NUMB: variants seen among roughly 807,000 people sequenced by gnomAD.
The protein encoded by NUMB is NUMB endocytic adaptor protein, also known as protein numb homolog.
In NUMB, 29 loss-of-function variants were observed where a neutral mutation model predicts 59.7. That is an observed-to-expected ratio of 0.49 (90% CI 0.36 to 0.66). The LOEUF is 0.66. NUMB is among the 30% of genes least tolerant of loss of function. NUMB has a pLI of 0.00. For synonymous variants in NUMB, 288 were observed against 288.2 expected (o/e 1.00, Z 0.01); for missense variants, 723 against 822.0 (o/e 0.88, Z 1.47).
chr14:73,367,068 A>G (rs1894376176), intron 2 of NUMB, 87 bp from the exon 3 acceptor site: 1 of 151,876 alleles, frequency 6.6e-6, no homozygotes. Flanking sequence ...TCCAAACAAA[A>G]CACACACAAA....
chr14:73,353,620 G>GTAC (rs1172910924), intron 4 of NUMB, among the ~76,000 whole-genome samples: 37 of 148,772 alleles, frequency 2.5e-4, no homozygotes, highest in African/African-American at 4.2e-4. Flanking sequence ...GCTGAGGCAG[G>GTAC]AGAATCGTTT....
chr14:73,284,341 A>G lies in NUMB; in HGVS notation c.689T>C (p.Val230Ala), dbSNP rs1466436619. ...GGATGGGGCAGTGTTGCCAGGGGCA[A>G]CTGATGAACCAACGACTATCTTATC... ...ETDKIVVGSS[V>A]APGNTAPSPS... The change falls in exon 10 of 13, where the codon GTT becomes GCT. Residue 230 changes from valine to alanine, a missense_variant. Val to Ala is a moderately conservative substitution (Grantham distance 64, BLOSUM62 0). Transcript: ENST00000555238. 6.2e-7 allele frequency: 1 copy of G among 1,614,064 alleles called. No individual in the cohort carries two copies. The highest frequency in any genetic ancestry group is 1.7e-5 in the Admixed American group (1 of 60,014).
chr14:73,290,680 C>T (rs1889331251), intron 8 of NUMB, among the ~76,000 whole-genome samples: 1 of 152,204 alleles, frequency 6.6e-6, no homozygotes, highest in South Asian at 2.1e-4. Flanking sequence ...ACTTGCTGTA[C>T]ATACAGTTTG....
intron 4 of NUMB, among the ~76,000 whole-genome samples, chr14:73,342,653 T>C (rs1892696464): frequency 6.6e-6 from 1 of 152,138 alleles, no homozygotes; most frequent in Non-Finnish European, 1.5e-5. Flanking sequence ...AGATAAAACC[T>C]TCAGTATTCA....
intron 4 of NUMB, among the ~76,000 whole-genome samples, chr14:73,335,302 C>CAAAAAAAAAA (rs10556271): frequency 1.5e-4 from 15 of 100,224 alleles, no homozygotes; most frequent in East Asian, 2.9e-4. Context: ...GCCAAAAAGA[C>CAAAAAAAAAA]AAAAAAAAAA....
At chr14:73,291,983 C>G (rs532136165) in intron 8 of NUMB, among the ~76,000 whole-genome samples, 4 of 152,060 alleles carry the variant, frequency 2.6e-5, no homozygotes, top group African/African-American at 9.7e-5. Context: ...CGTGCCTGGC[C>G]GGTATTTCTG....
chr14:73,277,102 G>T lies in NUMB; in HGVS notation c.1432C>A (p.Pro478Thr). Reference protein sequence around the residue: ...QPPPPTAISQPASPFQGNAFL... With the variant: ...QPPPPTAISQTASPFQGNAFL... ...GCATTCCCTTGGAAAGGTGATGCTG[G>T]CTGGGAGATGGCAGTGGGTGGAGGA... is the stretch of plus-strand genomic sequence containing the variant. The change falls in exon 13 of 13, where the codon CCA (proline) becomes ACA (threonine). Residue 478 changes from proline (P) to threonine (T), a missense_variant. By Grantham distance (38) the Pro-to-Thr change is conservative. This residue lies in a region of NUMB where 406 missense variants were observed against 385.4 expected (regional missense o/e 1.05). Transcript: ENST00000555238. The T allele has an allele frequency of 1.2e-6, 2 of 1,614,124 alleles. No individual in the cohort carries two copies. The highest frequency in any genetic ancestry group is 1.7e-6 in the Non-Finnish European group (2 of 1,180,040).
chr14:73,425,890 C>T (rs1018216063), intron 1 of NUMB, among the ~76,000 whole-genome samples: 14 of 149,996 alleles, frequency 9.3e-5, no homozygotes, highest in African/African-American at 3.4e-4. Context: ...CTCACTGCAA[C>T]CTCCGCCTCC....
chr14:73,423,354 AC>A (rs1385797637), intron 1 of NUMB, among the ~76,000 whole-genome samples: 2 of 150,202 alleles, frequency 1.3e-5, no homozygotes, highest in East Asian at 1.9e-4. Flanking sequence ...AAAAAAAAAA[AC>A]AAGCTGGGCA....
At chr14:73,443,075 T>G (rs1454935920) in intron 1 of NUMB, among the ~76,000 whole-genome samples, 1 of 152,138 alleles carries the variant, frequency 6.6e-6, no homozygotes, top group Non-Finnish European at 1.5e-5. Flanking sequence ...ATGACCAGAC[T>G]GATATCAAAC....
chr14:73,401,880 T>C (rs1034546128), intron 2 of NUMB, among the ~76,000 whole-genome samples: 2 of 140,198 alleles, frequency 1.4e-5, no homozygotes, highest in East Asian at 1.9e-4. Context: ...AAATTTGTTT[T>C]TGAGACAGGG....
chr14:73,429,748 G>C (rs1451330897), intron 1 of NUMB, among the ~76,000 whole-genome samples: 5 of 152,032 alleles, frequency 3.3e-5, no homozygotes, highest in African/African-American at 9.7e-5. Flanking sequence ...TTTCAGACCA[G>C]CCTGGCCAAC....
intron 1 of NUMB, among the ~76,000 whole-genome samples, chr14:73,435,242 G>T (rs1897999680): frequency 6.7e-6 from 1 of 149,930 alleles, no homozygotes; most frequent in Non-Finnish European, 1.5e-5. Flanking sequence ...CCATTCCATG[G>T]TTCTCTTTGG....
At chr14:73,369,305 T>C (rs1894549875) in intron 2 of NUMB, among the ~76,000 whole-genome samples, 1 of 152,156 alleles carries the variant, frequency 6.6e-6, no homozygotes, top group African/African-American at 2.4e-5. Context: ...CCTCCCAAAG[T>C]GTTGGGATTA....
rs61083636 is a variant in NUMB at position 73,284,830 on chromosome 14, C to CTTTATTTATTTA, written c.656-468_656-457dup. 14 of 151,356 alleles carry CTTTATTTATTTA rather than the reference C, an allele frequency of 9.2e-5. No individual in the cohort carries two copies. In the South Asian group the frequency reaches 1.0e-3, roughly 11 times the overall value. 9.4% of individuals were successfully genotyped at this position (151,356 alleles called of 1,614,324 possible). A position where few individuals can be genotyped will look rare whatever the true frequency, so the allele number is the denominator to read the frequency against. ...GTCAAAGAATGTCATATATAACAGT[C>CTTTATTTATTTA]TTTATTTATTTATTTATTTATTTAT... On this transcript the variant is annotated intron_variant, in intron 9 of 12. Transcript: ENST00000555238.
intron 4 of NUMB, among the ~76,000 whole-genome samples, chr14:73,342,067 A>C (rs1022473523): frequency 1.3e-5 from 2 of 152,234 alleles, no homozygotes; most frequent in African/African-American, 4.8e-5. Flanking sequence ...AATTTAAAAA[A>C]AAAATTTGTT....
intron 1 of NUMB, among the ~76,000 whole-genome samples, chr14:73,411,464 C>T (rs1413756344): frequency 6.6e-6 from 1 of 152,022 alleles, no homozygotes; most frequent in Non-Finnish European, 1.5e-5. Context: ...CACACACCTT[C>T]CAGGAGACAA....
At position 73,365,184 on chromosome 14, in the gene NUMB, C is replaced by T. The variant is rs142638820; in HGVS notation, c.-16+1713G>A. Among the ~76,000 whole-genome samples, 1,042 of 152,152 alleles carry T rather than the reference C, an allele frequency of 6.8e-3. 5 individuals carry two copies. The highest frequency in any genetic ancestry group is 0.029 in the South Asian group (141 of 4,824). ...CCTGCTAAGTAGCTGGGATTACAGG[C>T]GTGTGCCACTATACACAGCTAATTT... On this transcript the variant is annotated intron_variant, in intron 3 of 12. Coordinates refer to ENST00000555238, the MANE Select transcript of NUMB (RefSeq NM_001005743.2).
rs1252582497 is a variant in NUMB, at chr14:73,345,877, C to T, written c.126+9749G>A. On this transcript the variant is annotated intron_variant, in intron 4 of 12. Coordinates refer to ENST00000555238, the MANE Select transcript of NUMB (RefSeq NM_001005743.2). ...GAGCCGAGATCGCACCAGTGTACTCCGCCCTGGGGGACAAGAACGAGACTT... is the reference window on the plus strand; with the variant it reads ...GAGCCGAGATCGCACCAGTGTACTCTGCCCTGGGGGACAAGAACGAGACTT... 2.0e-5 allele frequency among the ~76,000 whole-genome samples: 3 copies of T among 151,914 alleles called. 1 individual carries two copies. Among genetic ancestry groups the T allele is most frequent in the South Asian group, 4.2e-4 (2 of 4,802 alleles).
Sources: allele counts gnomAD v4.1 joint callset (sites outside exome capture counted in the v4.1 genomes callset), GRCh38; gene constraint gnomAD v4.1.1; regional missense constraint gnomAD v4.1.1; transcripts MANE v1.5; gene names NCBI Gene and HGNC (gene_info 2026-07-23, HGNC 2026-07-21).